LRP4: variants seen among roughly 807,000 people sequenced by gnomAD.
The protein encoded by LRP4 is LDL receptor related protein 4.
In LRP4, 95 loss-of-function variants were observed where a neutral mutation model predicts 220.3. That is an observed-to-expected ratio of 0.43 (90% CI 0.37 to 0.51). The LOEUF (loss-of-function observed/expected upper bound fraction) is 0.51. Among genes scored for constraint, LRP4 ranks in the 20% least tolerant of loss-of-function variants. The probability of loss-of-function intolerance (pLI) is 0.00; values close to 1 mark genes in which losing one functional copy is unlikely to be tolerated. For synonymous variants in LRP4, 903 were observed against 954.6 expected, an observed-to-expected ratio of 0.95 and a Z score of 1.00; for missense variants, 1,925 against 2,567.0, an observed-to-expected ratio of 0.75 and a Z score of 5.40.
rs751679601 is a variant in LRP4, at chr11:46,873,206, T to G, written c.4477A>C (p.Ile1493Leu). 6.2e-7 allele frequency: 1 copy of G among 1,614,174 alleles called. No individual in the cohort carries two copies. Among genetic ancestry groups the G allele is most frequent in the South Asian group, 1.1e-5 (1 of 91,088 alleles). Residue 1493 changes from isoleucine (I) to leucine (L), a missense_variant, in exon 30 of 38, where the codon ATT (isoleucine) becomes CTT (leucine). Ile to Leu is a conservative substitution (Grantham distance 5). Around this residue, in one of 3 missense-constraint regions of LRP4, gnomAD observed 1,244 missense variants for 1,624.9 expected, o/e 0.77. Transcript: ENST00000378623. The surrounding 1 kb of genome is among the most constrained non-coding windows in gnomAD (Gnocchi z 4.2). ...GYLFWTDWGHIAKIERANLDG... is the reference protein window; with the variant it reads ...GYLFWTDWGHLAKIERANLDG... The stretch of plus-strand genomic sequence containing the variant: ...AAGTTTGCCCGTTCGATCTTGGCAA[T>G]GTGGCCCCAGTCTGTCCAGAAGAGG...
In LRP4 at chr11:46,887,215, C is replaced by G. The variant is rs142899742; in HGVS notation, c.2216-682G>C. ...CCAGCCAGCTCTTCCCCATCCTCTG[C>G]CTTTCCTCTGGTCAGTCTGAATACT... On this transcript the variant is annotated intron_variant, in intron 16 of 37. Coordinates refer to ENST00000378623, the MANE Select transcript of LRP4 (RefSeq NM_002334.4). Among the ~76,000 whole-genome samples, 9 of 152,342 alleles carry G rather than the reference C, an allele frequency of 5.9e-5. No individual in the cohort carries two copies. The East Asian group carries it at 1.7e-3, about 29-fold the overall frequency.
intron 1 of LRP4, among the ~76,000 whole-genome samples, chr11:46,903,859 A>C (rs1300011773): frequency 6.6e-6 from 1 of 152,182 alleles, no homozygotes; most frequent in Non-Finnish European, 1.5e-5. Context: ...AGCCTTGAGG[A>C]AGGCTGGCAG....
intron 2 of LRP4, among the ~76,000 whole-genome samples, chr11:46,900,993 G>C (rs908592937): frequency 2.6e-5 from 4 of 151,888 alleles, no homozygotes; most frequent in Non-Finnish European, 5.9e-5. Context: ...GTGGGTTTTC[G>C]CCATGTTGGC....
chr11:46,867,185 G>A (rs1433726239), intron 34 of LRP4, among the ~76,000 whole-genome samples: 4 of 152,064 alleles, frequency 2.6e-5, no homozygotes, highest in African/African-American at 9.7e-5. Flanking sequence ...AACTGTTCGT[G>A]TTTATGCTTG....
At chr11:46,860,242 AAAAG>A (rs983248837) in intron 37 of LRP4, among the ~76,000 whole-genome samples, 36 of 151,882 alleles carry the variant, frequency 2.4e-4, no homozygotes, top group South Asian at 4.2e-4. Flanking sequence ...TAAAAAAAAA[AAAAG>A]AAAGAAAGAA....
rs1049244094 is a variant in LRP4 at position 46,879,944 on chromosome 11, A to C, written c.2815-629T>G. ...ACATGGCGAAACCCTGTCTCTACTA[A>C]AAATACAAAAATTAGCTGGGCGTGG... On this transcript the variant is annotated intron_variant, in intron 20 of 37. Coordinates refer to ENST00000378623, the MANE Select transcript of LRP4 (RefSeq NM_002334.4). Among the ~76,000 whole-genome samples the C allele has an allele frequency of 4.6e-5, 7 of 152,318 alleles. No homozygotes were observed. The South Asian group carries it at 1.5e-3, about 32-fold the overall frequency.
At chr11:46,861,306 T>C (rs529950027) in intron 37 of LRP4, among the ~76,000 whole-genome samples, 2 of 152,166 alleles carry the variant, frequency 1.3e-5, no homozygotes, top group Non-Finnish European at 2.9e-5. Context: ...AAGCACATGA[T>C]TATTATGTGA....
chr11:46,891,482 C>T (rs1198105048), intron 13 of LRP4, among the ~76,000 whole-genome samples: 1 of 151,980 alleles, frequency 6.6e-6, no homozygotes, highest in East Asian at 1.9e-4. Context: ...CACACATACA[C>T]ACACACAGTT....
intron 31 of LRP4, among the ~76,000 whole-genome samples, chr11:46,870,209 C>A (rs1304067584): frequency 6.6e-6 from 1 of 151,624 alleles, no homozygotes; most frequent in East Asian, 1.9e-4. Context: ...GCGGAGGTTG[C>A]AGTGAGCTGA....
At chr11:46,907,563 C>T (rs1941782896) in intron 1 of LRP4, among the ~76,000 whole-genome samples, 1 of 152,178 alleles carries the variant, frequency 6.6e-6, no homozygotes, top group South Asian at 2.1e-4. Context: ...CTTAGCTCAT[C>T]AGCTGTTGTT....
intron 16 of LRP4, 101 bp downstream of exon 16, chr11:46,889,310 G>T (rs980030468): frequency 1.4e-5 from 21 of 1,522,338 alleles, no homozygotes; most frequent in Middle Eastern, 2.2e-4. Flanking sequence ...GAGGAATGTG[G>T]TTTTTCCCAT....
chr11:46,873,797 G>A lies in LRP4; in HGVS notation c.4230-204C>T. ...AGAATGAAGGAACCAGTTCTTAGGA[G>A]GACACAGTATTTCCTGCTAACTGGA... On this transcript the variant is annotated intron_variant, in intron 28 of 37. Coordinates refer to ENST00000378623, the MANE Select transcript of LRP4 (RefSeq NM_002334.4). The surrounding 1 kb of genome is among the most constrained non-coding windows in gnomAD (Gnocchi z 4.2). 1.8e-6 allele frequency: 1 copy of A among 563,288 alleles called. No individual in the cohort carries two copies. Among genetic ancestry groups the A allele is most frequent in the Non-Finnish European group, 3.1e-6 (1 of 318,802 alleles). The allele number at this position is 563,288 out of a possible 1,614,324, so 34.9% of individuals were successfully genotyped here. A position where few individuals can be genotyped will look rare whatever the true frequency, so the allele number is the denominator to read the frequency against.
At position 46,875,576 on chromosome 11, in the gene LRP4, C is replaced by T. The variant is rs1331244003; in HGVS notation, c.3805G>A (p.Asp1269Asn). The T allele has an allele frequency of 1.2e-6, 2 of 1,614,130 alleles. No homozygotes were observed. The change falls in exon 27 of 38, where the codon GAC becomes AAC. Residue 1269 changes from aspartate (D) to asparagine (N), a missense_variant. Physicochemically the swap from Asp to Asn is conservative, Grantham distance 23. Transcript: ENST00000378623. This position sits in a 1 kb window ranked among gnomAD's most constrained non-coding sequence, Gnocchi z 4.5. ...CGGTGGATGCTCCGAGTCTGCCAGT[C>T]AGTCCAGTAGATATAGGAGTCGAGC... is the stretch of plus-strand genomic sequence containing the variant. ...TLLDSYIYWT[D>N]WQTRSIHRAD...
chr11:46,909,736 T>C (rs1005785666), intron 1 of LRP4, among the ~76,000 whole-genome samples: 2 of 148,316 alleles, frequency 1.3e-5, no homozygotes, highest in African/African-American at 5.0e-5. Context: ...GTTCGTTGAA[T>C]GAATGAATGA....
At chr11:46,889,914 C>T in intron 15 of LRP4, 30 bp downstream of exon 15, 1 of 1,614,014 alleles carries the variant, frequency 6.2e-7, no homozygotes, top group Non-Finnish European at 8.5e-7. Context: ...CATGAGGCTA[C>T]TTTGGCTCAC....
At chr11:46,898,761 G>T (rs1376598212) in intron 6 of LRP4, 84 bp from the exon 7 acceptor site, 3 of 1,605,930 alleles carry the variant, frequency 1.9e-6, no homozygotes, top group Non-Finnish European at 2.6e-6. Context: ...CAGAATCCCA[G>T]TTCCTCCATC....
intron 34 of LRP4, among the ~76,000 whole-genome samples, chr11:46,867,457 ATTTTGTTTTG>A (rs915640089): frequency 5.5e-4 from 84 of 151,794 alleles, no homozygotes; most frequent in African/African-American, 2.0e-3. Flanking sequence ...TTGTTGTTTT[ATTTTGTTTTG>A]TTTTGTTTTT....
chr11:46,900,133 GA>G (rs1198698478), intron 3 of LRP4, 128 bp downstream of exon 3: 1 of 956,586 alleles, frequency 1.0e-6, no homozygotes, highest in Non-Finnish European at 1.7e-6. Context: ...ACTTCGAGAG[GA>G]AGTGAAAGGA....
intron 32 of LRP4, 34 bp downstream of exon 32, chr11:46,868,954 G>A (rs1940784558): frequency 1.2e-6 from 2 of 1,614,034 alleles, no homozygotes; most frequent in East Asian, 4.5e-5. Flanking sequence ...TCCCACAGAT[G>A]TTAAGGAAGC....
Sources: gnomAD v4.1 joint callset for allele counts (sites outside exome capture counted in the v4.1 genomes callset) on GRCh38, gnomAD v4.1.1 for gene constraint, gnomAD v4.1.1 regional missense constraint, Gnocchi (gnomAD v3.1) non-coding constraint, MANE v1.5 for transcripts, NCBI Gene and HGNC (gene_info 2026-07-23, HGNC 2026-07-21) for gene names.